ZFAND3: variants seen among roughly 807,000 people sequenced by gnomAD.
ZFAND3 encodes the protein zinc finger AN1-type containing 3.
A neutral mutation model predicts 29.6 loss-of-function variants in ZFAND3; 10 were observed. That is an observed-to-expected ratio of 0.34 (90% CI 0.21 to 0.57). The LOEUF (loss-of-function observed/expected upper bound fraction) is 0.57. Ranked by LOEUF, ZFAND3 falls within the 20% of genes least tolerant of loss-of-function variation. ZFAND3 has a pLI of 0.86. For missense variants in ZFAND3, 230 were observed against 304.5 expected (o/e 0.76, Z 1.82); for synonymous variants, 128 against 112.6 (o/e 1.14, Z -0.87).
intron 2 of ZFAND3, among the ~76,000 whole-genome samples, chr6:37,998,421 G>T (rs1762889094): frequency 1.3e-5 from 2 of 151,638 alleles, no homozygotes; most frequent in Non-Finnish European, 2.9e-5. Flanking sequence ...GCAGCACAAA[G>T]AATGAATTTT....
At chr6:37,977,525 A>G (rs943412350) in intron 2 of ZFAND3, among the ~76,000 whole-genome samples, 8 of 151,284 alleles carry the variant, frequency 5.3e-5, no homozygotes, top group Non-Finnish European at 1.0e-4. Flanking sequence ...CTGGTCTTGA[A>G]CTCCTGACCT....
chr6:37,942,772 TAGAG>T (rs1264127602), intron 2 of ZFAND3, among the ~76,000 whole-genome samples: 2 of 146,876 alleles, frequency 1.4e-5, no homozygotes, highest in Admixed American at 6.7e-5. Flanking sequence ...ATTCACGTCA[TAGAG>T]AGACACTTCA....
chr6:37,867,130 C>T (rs1429107266), intron 1 of ZFAND3, among the ~76,000 whole-genome samples: 1 of 152,168 alleles, frequency 6.6e-6, no homozygotes, highest in African/African-American at 2.4e-5. Context: ...GAAGAAAAAT[C>T]CTTCCTATCT....
intron 1 of ZFAND3, among the ~76,000 whole-genome samples, chr6:37,918,334 C>T (rs1761302740): frequency 6.6e-6 from 1 of 152,134 alleles, no homozygotes; most frequent in Non-Finnish European, 1.5e-5. Context: ...CTCAGCCTCC[C>T]AAAGTGCGAG....
intron 1 of ZFAND3, among the ~76,000 whole-genome samples, chr6:37,916,559 C>T (rs371045127): frequency 8.4e-4 from 128 of 152,264 alleles, no homozygotes; most frequent in African/African-American, 2.9e-3. Context: ...ACTCAGGAGG[C>T]TGAGGCAGGA....
intron 5 of ZFAND3, among the ~76,000 whole-genome samples, chr6:38,124,346 C>T (rs779403022): frequency 6.6e-6 from 1 of 152,240 alleles, no homozygotes; most frequent in African/African-American, 2.4e-5. Flanking sequence ...AGCCCTTGGG[C>T]AGTTGATGGG....
At chr6:38,059,009 A>G (rs902052856) in intron 2 of ZFAND3, among the ~76,000 whole-genome samples, 2 of 152,210 alleles carry the variant, frequency 1.3e-5, no homozygotes, top group Non-Finnish European at 2.9e-5. Context: ...TTCGAATGCT[A>G]TGTCAAGTTG....
intron 2 of ZFAND3, 65 bp from the exon 3 acceptor site, chr6:38,061,528 C>G (rs1037607555): frequency 1.3e-6 from 2 of 1,575,944 alleles, no homozygotes; most frequent in Non-Finnish European, 1.7e-6. Flanking sequence ...TACCAACTTC[C>G]ATTGTTTTCT....
chr6:37,845,309 A>G (rs1764158301), intron 1 of ZFAND3, among the ~76,000 whole-genome samples: 1 of 152,090 alleles, frequency 6.6e-6, no homozygotes, highest in Non-Finnish European at 1.5e-5. Flanking sequence ...TGTGTTATAT[A>G]CACCCTCCTT....
At chr6:37,978,726 T>C (rs1318267617) in intron 2 of ZFAND3, among the ~76,000 whole-genome samples, 1 of 152,154 alleles carries the variant, frequency 6.6e-6, no homozygotes, top group Non-Finnish European at 1.5e-5. Flanking sequence ...TAACATTTCA[T>C]CCGTCTCAGC....
chr6:37,883,793 G>T (rs1764939525), intron 1 of ZFAND3, among the ~76,000 whole-genome samples: 2 of 145,534 alleles, frequency 1.4e-5, no homozygotes, highest in South Asian at 4.2e-4. Flanking sequence ...ACCTGTCTCG[G>T]CCTCCCAAAG....
intron 2 of ZFAND3, among the ~76,000 whole-genome samples, chr6:37,937,264 A>G (rs1237824318): frequency 6.6e-6 from 1 of 152,260 alleles, no homozygotes; most frequent in Non-Finnish European, 1.5e-5. Flanking sequence ...CAAATAATGT[A>G]GAAACAAATT....
intron 1 of ZFAND3, among the ~76,000 whole-genome samples, chr6:37,902,971 A>C (rs1765347582): frequency 6.6e-6 from 1 of 152,050 alleles, no homozygotes; most frequent in Non-Finnish European, 1.5e-5. Context: ...AATAGTAATA[A>C]TTTCAGAGTA....
At chr6:38,007,392 A>G (rs946161916) in intron 2 of ZFAND3, among the ~76,000 whole-genome samples, 33 of 152,162 alleles carry the variant, frequency 2.2e-4, no homozygotes, top group African/African-American at 7.0e-4. Context: ...CAAAAAATAC[A>G]AAAATTTGTC....
At chr6:37,910,854 A>G (rs996551582) in intron 1 of ZFAND3, among the ~76,000 whole-genome samples, 4 of 152,222 alleles carry the variant, frequency 2.6e-5, no homozygotes, top group Admixed American at 1.3e-4. Flanking sequence ...AGGTTCATCC[A>G]GGTTTTTACA....
chr6:38,046,703 G>A (rs1420193362), intron 2 of ZFAND3, among the ~76,000 whole-genome samples: 1 of 152,120 alleles, frequency 6.6e-6, no homozygotes, highest in Non-Finnish European at 1.5e-5. Flanking sequence ...CCAACATGTC[G>A]TGGTCCTATT....
intron 1 of ZFAND3, among the ~76,000 whole-genome samples, chr6:37,929,256 TA>T (rs199734798): frequency 1.3e-5 from 2 of 152,374 alleles, no homozygotes; most frequent in African/African-American, 4.8e-5. Flanking sequence ...GTGATTTTTT[TA>T]AAAGTGCGTT....
intron 2 of ZFAND3, among the ~76,000 whole-genome samples, chr6:38,046,404 A>G (rs538081580): frequency 6.6e-6 from 1 of 152,326 alleles, no homozygotes; most frequent in Admixed American, 6.5e-5. Flanking sequence ...TCCATTCAAG[A>G]CATAATTACC....
chr6:38,027,907 C>T (rs916339498), intron 2 of ZFAND3, among the ~76,000 whole-genome samples: 1 of 152,212 alleles, frequency 6.6e-6, no homozygotes, highest in Admixed American at 6.5e-5. Flanking sequence ...TGGAGCCTTT[C>T]TTTTGTTTCT....
Sources: gnomAD v4.1 joint callset for allele counts (sites outside exome capture counted in the v4.1 genomes callset) on GRCh38, gnomAD v4.1.1 for gene constraint, MANE v1.5 for transcripts, NCBI Gene and HGNC (gene_info 2026-07-23, HGNC 2026-07-21) for gene names.